The following EPS8L3 variants were observed in gnomAD, a reference collection of about 807,000 sequenced individuals.
EPS8L3 encodes the protein epidermal growth factor receptor kinase substrate 8-like protein 3.
Under a neutral mutation model 88.5 loss-of-function variants are expected in EPS8L3, and 80 were observed. The ratio of observed to expected loss-of-function variants is 0.90; its 90% confidence interval spans 0.75 to 1.09. The LOEUF is 1.09. Among genes scored for constraint, EPS8L3 ranks in the 50% least tolerant of loss-of-function variants. The pLI is 0.00. For missense variants in EPS8L3, 721 were observed against 735.2 expected (o/e 0.98, Z 0.22); for synonymous variants, 286 against 291.0 (o/e 0.98, Z 0.18).
chr1:109,751,448 C>A lies in EPS8L3; in HGVS notation c.1564-97G>T. On this transcript the variant is annotated intron_variant, in intron 16 of 18. Transcript: ENST00000361965. ...TCCCTTCTCCAGGTTCCCATCAAAT[C>A]ACTTCTCTTACTCTGTGGCTTTCTG... The A allele has an allele frequency of 1.4e-5, 20 of 1,406,472 alleles. No homozygotes were observed. The South Asian group carries it at 2.2e-4, about 15-fold the overall frequency. 87.1% of individuals were successfully genotyped at this position (1,406,472 alleles called of 1,614,324 possible).
intron 12 of EPS8L3, among the ~76,000 whole-genome samples, chr1:109,753,829 C>T (rs1230184431): frequency 6.6e-6 from 1 of 152,234 alleles, no homozygotes; most frequent in Non-Finnish European, 1.5e-5. Context: ...TCCTTGAAGA[C>T]GTTCCCCTCC....
chr1:109,759,744 C>T lies in EPS8L3; in HGVS notation c.189G>A (p.Val63=), dbSNP rs528527036. The T allele has an allele frequency of 1.9e-6, 3 of 1,614,134 alleles. No individual in the cohort carries two copies. The highest frequency in any genetic ancestry group is 2.2e-5 in the East Asian group (1 of 44,882). ...KLFEMDAQGR[V]WSQDLILQVR... ...CCTGCAGGATCAAGTCTTGGCTCCA[C>T]ACCCGGCCCTGTGCATCCATCTCGA... Residue 63 remains valine (V), a synonymous_variant, in exon 4 of 19, where the codon GTG becomes GTA. Coordinates refer to ENST00000361965, the MANE Select transcript of EPS8L3 (RefSeq NM_133181.4). This position sits in a 1 kb window ranked among gnomAD's most constrained non-coding sequence, Gnocchi z 4.2.
chr1:109,757,656 C>G, intron 10 of EPS8L3, 101 bp from the exon 11 acceptor site: 1 of 1,409,134 alleles, frequency 7.1e-7, no homozygotes, highest in Non-Finnish European at 9.9e-7. Flanking sequence ...CTGGCACTTC[C>G]CAAAAGTCCC....
At position 109,759,895 on chromosome 1, in the gene EPS8L3, C is replaced by T. The variant is rs1039621648; in HGVS notation, c.97-59G>A. 2.1e-5 allele frequency: 33 copies of T among 1,569,834 alleles called. No individual in the cohort carries two copies. The highest frequency in any genetic ancestry group is 1.7e-4 in the Middle Eastern group (1 of 5,954). ...AAAGCTCAGAGAGGTGGACCACAGG[C>T]GTGCTGGGTAGAGAAAAGCAGAAGA... On this transcript the variant is annotated intron_variant, in intron 3 of 18. Transcript: ENST00000361965. The surrounding 1 kb of genome is among the most constrained non-coding windows in gnomAD (Gnocchi z 4.2).
At chr1:109,762,377 T>C (rs2101546337) in intron 1 of EPS8L3, among the ~76,000 whole-genome samples, 1 of 152,196 alleles carries the variant, frequency 6.6e-6, no homozygotes, top group African/African-American at 2.4e-5. Flanking sequence ...CTTTTTGTAC[T>C]CTGTATCCTC....
At chr1:109,757,351 C>T in intron 11 of EPS8L3, 130 bp downstream of exon 11, 1 of 1,147,254 alleles carries the variant, frequency 8.7e-7, no homozygotes. Flanking sequence ...GTCCTTGGCT[C>T]TGACCCCAGC....
Position 109,761,722 on chromosome 1 carries a change from A to G in EPS8L3, c.28T>C (p.Tyr10His), listed in dbSNP as rs565095785. Residue 10 changes from tyrosine to histidine, a missense_variant, in exon 2 of 19, where the codon TAC becomes CAC. Coordinates refer to ENST00000361965, the MANE Select transcript of EPS8L3 (RefSeq NM_133181.4). MSRPSSRAI[Y>H]LHRKEYSQNL... ...GAGGGGCCTGCCAGGAGCTTACAGT[A>G]AATGGCTCTGCTGCTGGGCCTTGAC... 4 of 1,613,990 alleles carry G rather than the reference A, an allele frequency of 2.5e-6. No homozygotes were observed. The African/African-American group carries it at 5.3e-5, about 22-fold the overall frequency.
At chr1:109,761,811 TG>T in intron 1 of EPS8L3, 38 bp from the exon 2 acceptor site, 1 of 1,583,410 alleles carries the variant, frequency 6.3e-7, no homozygotes, top group Non-Finnish European at 8.7e-7. Flanking sequence ...CCATCAGAGC[TG>T]GGGAAAGGTG....
rs1275615080 is a variant in EPS8L3, at chr1:109,757,846, A to C, written c.850T>G (p.Tyr284Asp). 3.1e-6 allele frequency: 5 copies of C among 1,614,056 alleles called. No individual in the cohort carries two copies. In the African/African-American group the frequency reaches 6.7e-5, roughly 22 times the overall value. Residue 284 changes from tyrosine (Y) to aspartate (D), a missense_variant, in exon 10 of 19, where the codon TAC (tyrosine) becomes GAC (aspartate). Coordinates refer to ENST00000361965, the MANE Select transcript of EPS8L3 (RefSeq NM_133181.4). Reference sequence around the variant, plus strand: ...TTGATCTTCTGGAAGCAGTCAATGTACTGTGCCTGGGTGAGACCTGGGAGA... The same window carrying C: ...TTGATCTTCTGGAAGCAGTCAATGTCCTGTGCCTGGGTGAGACCTGGGAGA... ...KDQGGLTQAQ[Y>D]IDCFQKIKHS...
Position 109,761,307 on chromosome 1 carries a change from C to T in EPS8L3, c.96+188G>A, listed in dbSNP as rs116776384. On this transcript the variant is annotated intron_variant, in intron 3 of 18. Transcript: ENST00000361965. Reference sequence around the variant, plus strand: ...CTCTGTTCAATCTGACCACCCCTCCCCGTCCCTGACACTGAGCAGATGCTC... The same window carrying T: ...CTCTGTTCAATCTGACCACCCCTCCTCGTCCCTGACACTGAGCAGATGCTC... 2,936 of 598,066 alleles carry T rather than the reference C, an allele frequency of 4.9e-3. 76 individuals carry two copies. The African/African-American group carries it at 0.05, about 10-fold the overall frequency. 37.0% of individuals were successfully genotyped at this position (598,066 alleles called of 1,614,324 possible). A position where few individuals can be genotyped will look rare whatever the true frequency, so the allele number is the denominator to read the frequency against.
At chr1:109,757,408 G>C (rs1570691627) in intron 11 of EPS8L3, 73 bp downstream of exon 11, 9 of 1,444,248 alleles carry the variant, frequency 6.2e-6, no homozygotes, top group Admixed American at 1.7e-5. Context: ...CCCTCCACCA[G>C]CTCCTTTCCT....
chr1:109,755,787 C>T (rs1306315821), intron 12 of EPS8L3, among the ~76,000 whole-genome samples: 1 of 152,176 alleles, frequency 6.6e-6, no homozygotes, highest in Admixed American at 6.5e-5. Flanking sequence ...TGCCACTGCA[C>T]TCCAGACTGA....
At chr1:109,750,514 C>T in intron 18 of EPS8L3, 112 bp from the exon 19 acceptor site, 1 of 1,578,292 alleles carries the variant, frequency 6.3e-7, no homozygotes, top group Non-Finnish European at 8.7e-7. Context: ...TGAAGCTAAG[C>T]CCCTGGGGGA....
At chr1:109,760,025 A>G (rs1375324387) in intron 3 of EPS8L3, 189 bp from the exon 4 acceptor site, 5 of 609,180 alleles carry the variant, frequency 8.2e-6, no homozygotes, top group Non-Finnish European at 1.4e-5. Flanking sequence ...CACTGGGGCC[A>G]GGGATAGGGC....
At position 109,750,736 on chromosome 1, in the gene EPS8L3, C is replaced by G; in HGVS notation, c.1694G>C (p.Gly565Ala). ...TGSQLLRIRP[G>A]ELQMLCPQEA... ...CTGTGGACATAGCATCTGTAGCTCC[C>G]CAGGTCTTATGCGAAGTAGCTGGCT... Residue 565 changes from glycine to alanine, a missense_variant, in exon 18 of 19, where the codon GGG (glycine) becomes GCG (alanine). Transcript: ENST00000361965. 1 of 1,614,228 alleles carries G rather than the reference C, an allele frequency of 6.2e-7. No individual in the cohort carries two copies. The highest frequency in any genetic ancestry group is 2.2e-5 in the East Asian group (1 of 44,888).
chr1:109,754,833 A>G (rs530165609), intron 12 of EPS8L3, among the ~76,000 whole-genome samples: 2 of 152,302 alleles, frequency 1.3e-5, no homozygotes, highest in African/African-American at 2.4e-5. Flanking sequence ...GCACAGCCCT[A>G]GGAACTGTGA....
chr1:109,751,731 T>C lies in EPS8L3; in HGVS notation c.1486A>G (p.Ser496Gly). Residue 496 changes from serine (S) to glycine (G), a missense_variant, in exon 16 of 19, where the codon AGC (serine) becomes GGC (glycine). Physicochemically the swap from Ser to Gly is moderately conservative, Grantham distance 56. Transcript: ENST00000361965. ...AGGATGTTGCTTGGAATGTAGCCGCTCCGTCCCGCCTCATTCTTCACCAGC... is the reference window on the plus strand; with the variant it reads ...AGGATGTTGCTTGGAATGTAGCCGCCCCGTCCCGCCTCATTCTTCACCAGC... ...WWLVKNEAGRSGYIPSNILEP... is the reference protein window; with the variant it reads ...WWLVKNEAGRGGYIPSNILEP... The C allele has an allele frequency of 6.2e-7, 1 of 1,613,762 alleles. No individual in the cohort carries two copies. Among genetic ancestry groups the C allele is most frequent in the Non-Finnish European group, 8.5e-7 (1 of 1,179,972 alleles).
chr1:109,753,609 C>G (rs75953876), intron 12 of EPS8L3, among the ~76,000 whole-genome samples: 8,057 of 152,196 alleles, frequency 0.053, 280 homozygotes, highest in Middle Eastern at 0.096. Context: ...CCTTTTCTTT[C>G]TAGCTAAATT....
In EPS8L3 at chr1:109,751,761, A is replaced by G; in HGVS notation, c.1456T>C (p.Trp486Arg). The change falls in exon 16 of 19, where the codon TGG (tryptophan) becomes CGG (arginine). Residue 486 changes from tryptophan (W) to arginine (R), a missense_variant. Physicochemically the swap from Trp to Arg is moderately radical, Grantham distance 101. Transcript: ENST00000361965. ...CCCGCCTCATTCTTCACCAGCCACC[A>G]CCGCTTGCTGTGGTCCAGAACCTGC... is the stretch of plus-strand genomic sequence containing the variant. Reference protein sequence around the residue: ...KLEVLDHSKRWWLVKNEAGRS... With the variant: ...KLEVLDHSKRRWLVKNEAGRS... The G allele has an allele frequency of 1.2e-6, 2 of 1,613,396 alleles. No homozygotes were observed. The highest frequency in any genetic ancestry group is 1.1e-5 in the South Asian group (1 of 91,054).
Sources: gnomAD v4.1 joint callset for allele counts (sites outside exome capture counted in the v4.1 genomes callset) on GRCh38, gnomAD v4.1.1 for gene constraint, Gnocchi (gnomAD v3.1) non-coding constraint, MANE v1.5 for transcripts, NCBI Gene and HGNC (gene_info 2026-07-23, HGNC 2026-07-21) for gene names.